The following MECOM variants were observed in gnomAD, a reference collection of about 807,000 sequenced individuals.
MECOM encodes the protein MDS1 and EVI1 complex locus.
Under a neutral mutation model 116.3 loss-of-function variants are expected in MECOM, and 13 were observed. The ratio of observed to expected loss-of-function variants is 0.11; its 90% CI spans 0.07 to 0.18. The LOEUF is 0.18. Among genes scored for constraint, MECOM ranks in the 10% least tolerant of loss-of-function variants. MECOM has a pLI of 1.00. For missense variants in MECOM, 1,299 were observed against 1,509.0 expected, an observed-to-expected ratio of 0.86 and a Z score of 2.31; for synonymous variants, 528 against 535.2, an observed-to-expected ratio of 0.99 and a Z score of 0.19.
intron 16 of MECOM, among the ~76,000 whole-genome samples, chr3:169,085,756 G>A (rs984475751): frequency 1.3e-5 from 2 of 152,162 alleles, no homozygotes; most frequent in African/African-American, 4.8e-5. Flanking sequence ...AAGGTGCATG[G>A]AGGTGCTCTG....
At chr3:169,271,789 G>A (rs1289679567) in intron 2 of MECOM, among the ~76,000 whole-genome samples, 1 of 152,082 alleles carries the variant, frequency 6.6e-6, no homozygotes, top group African/African-American at 2.4e-5. Flanking sequence ...AATAAAGTCT[G>A]TGTTTTAAAA....
intron 2 of MECOM, among the ~76,000 whole-genome samples, chr3:169,379,864 C>T (rs1461467509): frequency 2.6e-5 from 4 of 152,122 alleles, no homozygotes; most frequent in Non-Finnish European, 5.9e-5. Flanking sequence ...ATTCAACTCA[C>T]ATATCAGTTA....
In MECOM at chr3:169,612,102, T is replaced by G. The variant is rs142809677; in HGVS notation, c.37+51234A>C. ...TCTCCAGATATTACTAAATGTCCCC[T>G]GGGAATCAAAATAACTCCCAGTTGA... On this transcript the variant is annotated intron_variant, in intron 1 of 16. Coordinates refer to ENST00000651503, the MANE Select transcript of MECOM (RefSeq NM_004991.4). 2.1e-3 allele frequency among the ~76,000 whole-genome samples: 326 copies of G among 152,328 alleles called. No individual in the cohort carries two copies. In the Middle Eastern group the frequency reaches 0.024, roughly 11 times the overall value.
chr3:169,436,743 T>A (rs1457921700), intron 1 of MECOM, among the ~76,000 whole-genome samples: 1 of 152,208 alleles, frequency 6.6e-6, no homozygotes, highest in Non-Finnish European at 1.5e-5. Context: ...TTAGACTGAC[T>A]GAATTGGATA....
At chr3:169,474,601 T>C (rs950728551) in intron 1 of MECOM, among the ~76,000 whole-genome samples, 1 of 152,202 alleles carries the variant, frequency 6.6e-6, no homozygotes, top group Admixed American at 6.5e-5. Context: ...AACTCTATTA[T>C]GTGAAACCTT....
At chr3:169,258,459 A>G (rs927772771) in intron 2 of MECOM, among the ~76,000 whole-genome samples, 1 of 152,194 alleles carries the variant, frequency 6.6e-6, no homozygotes, top group African/African-American at 2.4e-5. Flanking sequence ...TTTTAAAAAG[A>G]TGAATCCATT....
intron 2 of MECOM, among the ~76,000 whole-genome samples, chr3:169,156,942 A>C (rs1349190927): frequency 3.3e-5 from 5 of 152,178 alleles, no homozygotes; most frequent in African/African-American, 9.7e-5. Flanking sequence ...TGACTGTCTA[A>C]CCACGAAACT....
chr3:169,381,510 A>G lies in MECOM; in HGVS notation c.52T>C (p.Tyr18His), dbSNP rs768464136. The G allele has an allele frequency of 6.2e-7, 1 of 1,603,834 alleles. No homozygotes were observed. Among genetic ancestry groups the G allele is most frequent in the Admixed American group, 1.7e-5 (1 of 58,924 alleles). The change falls in exon 2 of 17, where the codon TAT becomes CAT. Residue 18 changes from tyrosine to histidine, a missense_variant. By Grantham distance (83) the Tyr-to-His change is moderately conservative. This residue lies in a region of MECOM where 374 missense variants were observed against 433.4 expected (regional missense o/e 0.86). Coordinates refer to ENST00000651503, the MANE Select transcript of MECOM (RefSeq NM_004991.4). ...AAAGGTATTTCAGGGTAGTTGCCAT[A>G]TACACACTCATTATCTGTGAATAAA... is the stretch of plus-strand genomic sequence containing the variant. ...RKLATNNECV[Y>H]GNYPEIPLEE... is the part of the protein sequence containing the mutation.
intron 2 of MECOM, among the ~76,000 whole-genome samples, chr3:169,315,584 G>C (rs768373698): frequency 3.9e-5 from 6 of 152,112 alleles, no homozygotes; most frequent in African/African-American, 7.2e-5. Context: ...AGCATTTTCT[G>C]GGAGTGTATG....
intron 3 of MECOM, among the ~76,000 whole-genome samples, chr3:169,138,909 A>G (rs1393675998): frequency 6.6e-6 from 1 of 152,118 alleles, no homozygotes; most frequent in Non-Finnish European, 1.5e-5. Flanking sequence ...CTCACAATAA[A>G]ATGCTGTTCT....
chr3:169,608,370 C>T (rs763270881), intron 1 of MECOM, among the ~76,000 whole-genome samples: 2 of 152,158 alleles, frequency 1.3e-5, no homozygotes, highest in South Asian at 2.1e-4. Flanking sequence ...ACAGCCAATT[C>T]GGGCAGCTGA....
Position 169,109,323 on chromosome 3 carries a change from G to C in MECOM, c.2578-1371C>G, listed in dbSNP as rs544349089. On this transcript the variant is annotated intron_variant, in intron 9 of 16. Coordinates refer to ENST00000651503, the MANE Select transcript of MECOM (RefSeq NM_004991.4). ...AGACTAAATAGTTCTCACCTGGCCT[G>C]ATAGAGCAAACATGCTTCTTCAAGA... Among the ~76,000 whole-genome samples the C allele has an allele frequency of 2.0e-5, 3 of 152,158 alleles. No individual in the cohort carries two copies. The East Asian group carries it at 5.8e-4, about 29-fold the overall frequency.
At chr3:169,087,143 T>C (rs1718040071) in intron 16 of MECOM, among the ~76,000 whole-genome samples, 1 of 152,204 alleles carries the variant, frequency 6.6e-6, no homozygotes, top group Non-Finnish European at 1.5e-5. Flanking sequence ...TATGTCAAAA[T>C]GCTGGTACTA....
chr3:169,145,545 A>G (rs1739620949), intron 2 of MECOM: 2 of 227,460 alleles, frequency 8.8e-6, no homozygotes, highest in African/African-American at 4.4e-5. Flanking sequence ...AAAAAAAGAA[A>G]AAAAGAAAAA....
chr3:169,656,020 C>T (rs950712580), intron 1 of MECOM, among the ~76,000 whole-genome samples: 6 of 152,168 alleles, frequency 3.9e-5, no homozygotes, highest in African/African-American at 1.2e-4. Context: ...AGGGATCATG[C>T]CCAGATTCAA....
intron 1 of MECOM, among the ~76,000 whole-genome samples, chr3:169,654,647 G>A (rs949663807): frequency 1.3e-5 from 2 of 152,138 alleles, no homozygotes; most frequent in African/African-American, 4.8e-5. Context: ...AAGAATGGTG[G>A]CCAGTGGATA....
chr3:169,495,392 G>A (rs1753689463), intron 1 of MECOM, among the ~76,000 whole-genome samples: 1 of 152,062 alleles, frequency 6.6e-6, no homozygotes, highest in South Asian at 2.1e-4. Context: ...TTTATTCTTT[G>A]ATAATTATTT....
At chr3:169,216,829 T>C (rs1751481024) in intron 2 of MECOM, among the ~76,000 whole-genome samples, 1 of 152,046 alleles carries the variant, frequency 6.6e-6, no homozygotes, top group South Asian at 2.1e-4. Context: ...CAATAAAAAG[T>C]TGACAGTGTT....
At chr3:169,212,915 C>T (rs1750958777) in intron 2 of MECOM, among the ~76,000 whole-genome samples, 2 of 151,566 alleles carry the variant, frequency 1.3e-5, no homozygotes, top group Non-Finnish European at 2.9e-5. Flanking sequence ...TCAGACCACA[C>T]TCAAATAGCA....
Sources: gnomAD v4.1 joint callset for allele counts (sites outside exome capture counted in the v4.1 genomes callset) on GRCh38, gnomAD v4.1.1 for gene constraint, gnomAD v4.1.1 regional missense constraint, MANE v1.5 for transcripts, NCBI Gene and HGNC (gene_info 2026-07-23, HGNC 2026-07-21) for gene names.